TMEM132B: variants seen among roughly 807,000 people sequenced by gnomAD.
TMEM132B encodes transmembrane protein 132B.
Under a neutral mutation model 90.8 loss-of-function variants are expected in TMEM132B, and 18 were observed. The ratio of observed to expected loss-of-function variants is 0.20; its 90% CI spans 0.14 to 0.29. TMEM132B has a LOEUF of 0.29. Among genes scored for constraint, TMEM132B ranks in the 10% least tolerant of loss-of-function variants. TMEM132B has a pLI of 1.00. For missense variants in TMEM132B, 1,096 were observed against 1,326.8 expected, an observed-to-expected ratio of 0.83 and a Z score of 2.70; for synonymous variants, 504 against 523.3, an observed-to-expected ratio of 0.96 and a Z score of 0.50.
intron 6 of TMEM132B, among the ~76,000 whole-genome samples, chr12:125,647,709 A>G (rs1220409194): frequency 6.6e-6 from 1 of 152,180 alleles, no homozygotes; most frequent in Non-Finnish European, 1.5e-5. Context: ...AAAAATTATA[A>G]TGGAAAAGGA....
chr12:125,402,427 T>C (rs1879346943), intron 2 of TMEM132B, among the ~76,000 whole-genome samples: 1 of 152,162 alleles, frequency 6.6e-6, no homozygotes, highest in Non-Finnish European at 1.5e-5. Flanking sequence ...CCTGCCCACT[T>C]TGGGCTTTCA....
intron 3 of TMEM132B, among the ~76,000 whole-genome samples, chr12:125,486,486 T>C (rs1882208363): frequency 1.3e-5 from 2 of 152,150 alleles, no homozygotes; most frequent in South Asian, 2.1e-4. Flanking sequence ...AACAAGGTGG[T>C]TGGTCTTACA....
intron 1 of TMEM132B, among the ~76,000 whole-genome samples, chr12:125,218,043 A>G (rs1157076427): frequency 1.3e-5 from 2 of 152,238 alleles, no homozygotes; most frequent in Non-Finnish European, 2.9e-5. Context: ...ATGTGCTTTT[A>G]ATGCATAAAG....
intron 1 of TMEM132B, among the ~76,000 whole-genome samples, chr12:125,198,671 G>T (rs1190752984): frequency 6.6e-6 from 1 of 152,210 alleles, no homozygotes; most frequent in Non-Finnish European, 1.5e-5. Context: ...CCAGAGAGGA[G>T]CAGAGGTTAT....
At chr12:125,289,842 C>G (rs1408861340) in intron 1 of TMEM132B, among the ~76,000 whole-genome samples, 1 of 152,200 alleles carries the variant, frequency 6.6e-6, no homozygotes, top group East Asian at 1.9e-4. Context: ...TGTCTCTGGA[C>G]AGAGGGAAGC....
chr12:125,568,991 T>C (rs370137410), intron 4 of TMEM132B, among the ~76,000 whole-genome samples: 2 of 152,244 alleles, frequency 1.3e-5, no homozygotes, highest in East Asian at 3.9e-4. Flanking sequence ...AGCATGTGTT[T>C]TGGGGTTGGG....
chr12:125,421,365 T>C (rs928000955), intron 3 of TMEM132B, among the ~76,000 whole-genome samples: 2 of 152,186 alleles, frequency 1.3e-5, no homozygotes, highest in Non-Finnish European at 2.9e-5. Flanking sequence ...CAATCATGGC[T>C]GAAGGTGAAT....
At chr12:125,643,480 C>G (rs930613406) in intron 5 of TMEM132B, among the ~76,000 whole-genome samples, 5 of 152,182 alleles carry the variant, frequency 3.3e-5, no homozygotes, top group African/African-American at 1.2e-4. Flanking sequence ...GAGGCCACCC[C>G]CAAGTGCTGA....
intron 1 of TMEM132B, among the ~76,000 whole-genome samples, chr12:125,253,553 C>T (rs1874363364): frequency 6.6e-6 from 1 of 151,794 alleles, no homozygotes. Context: ...TCCCACCTCA[C>T]CCTTCCTAGT....
At chr12:125,465,777 G>C (rs1197642269) in intron 3 of TMEM132B, among the ~76,000 whole-genome samples, 8 of 152,176 alleles carry the variant, frequency 5.3e-5, no homozygotes, top group Admixed American at 3.3e-4. Context: ...CGAGACACTT[G>C]GTCAGTCATT....
intron 1 of TMEM132B, among the ~76,000 whole-genome samples, chr12:125,227,677 C>A (rs1439471110): frequency 2.0e-5 from 3 of 152,198 alleles, no homozygotes; most frequent in African/African-American, 7.2e-5. Context: ...GGGACCAAGG[C>A]AGATTCAGCA....
At chr12:125,602,734 A>G (rs751816074) in intron 5 of TMEM132B, among the ~76,000 whole-genome samples, 1 of 152,242 alleles carries the variant, frequency 6.6e-6, no homozygotes, top group Non-Finnish European at 1.5e-5. Context: ...CTCAGCCCAA[A>G]AACTCCTTAA....
At chr12:125,514,211 C>G (rs769285339) in intron 3 of TMEM132B, among the ~76,000 whole-genome samples, 1 of 152,140 alleles carries the variant, frequency 6.6e-6, no homozygotes, top group Non-Finnish European at 1.5e-5. Context: ...CCCCCCACCC[C>G]CAACGAGTTT....
intron 3 of TMEM132B, among the ~76,000 whole-genome samples, chr12:125,488,458 G>T (rs753218252): frequency 1.5e-4 from 23 of 152,138 alleles, no homozygotes; most frequent in Non-Finnish European, 2.9e-4. Flanking sequence ...CTGGTGGGAG[G>T]TGATTGGATT....
chr12:125,325,666 ACC>A (rs986848144), intron 1 of TMEM132B, among the ~76,000 whole-genome samples: 1 of 124,410 alleles, frequency 8.0e-6, no homozygotes, highest in African/African-American at 3.1e-5. Context: ...CCTGCCTCCC[ACC>A]CTGTGTGTGT....
At chr12:125,230,280 C>T (rs187293571) in intron 1 of TMEM132B, among the ~76,000 whole-genome samples, 13 of 152,256 alleles carry the variant, frequency 8.5e-5, no homozygotes, top group Middle Eastern at 3.4e-3. Context: ...TGGTGCTTCT[C>T]AGGTTGGCGC....
At chr12:125,225,165 A>C (rs1873649734) in intron 1 of TMEM132B, among the ~76,000 whole-genome samples, 1 of 152,168 alleles carries the variant, frequency 6.6e-6, no homozygotes, top group African/African-American at 2.4e-5. Flanking sequence ...GGATGAACAA[A>C]GTTCTGGTCA....
chr12:125,399,917 A>G (rs146742096), intron 2 of TMEM132B, among the ~76,000 whole-genome samples: 46 of 152,338 alleles, frequency 3.0e-4, no homozygotes, highest in African/African-American at 1.1e-3. Context: ...TGAGGATCAG[A>G]TCAGCTTCAC....
intron 3 of TMEM132B, among the ~76,000 whole-genome samples, chr12:125,427,470 TG>T (rs1311258006): frequency 6.6e-6 from 1 of 152,226 alleles, no homozygotes; most frequent in African/African-American, 2.4e-5. Flanking sequence ...GAGCAGTGCC[TG>T]GCACAGAGTA....
Sources: allele counts gnomAD v4.1 joint callset (sites outside exome capture counted in the v4.1 genomes callset), GRCh38; gene constraint gnomAD v4.1.1; transcripts MANE v1.5; gene names NCBI Gene and HGNC (gene_info 2026-07-23, HGNC 2026-07-21).